ICA1: variants seen among roughly 807,000 people sequenced by gnomAD.
ICA1 encodes the protein islet cell autoantigen 1, also known as 69 kDa islet cell autoantigen.
Under a neutral mutation model 71.0 loss-of-function variants are expected in ICA1, and 40 were observed. The ratio of observed to expected loss-of-function variants is 0.56; its 90% confidence interval spans 0.44 to 0.73. The LOEUF (loss-of-function observed/expected upper bound fraction) is 0.73, where lower values mean the gene tolerates loss of function less well. Among genes scored for constraint, ICA1 ranks in the 30% least tolerant of loss-of-function variants. The pLI is 0.00. For synonymous variants in ICA1, 207 were observed against 209.5 expected (o/e 0.99, Z 0.10); for missense variants, 578 against 576.5 (o/e 1.00, Z -0.03).
At chr7:8,154,337 C>G (rs1800742261) in intron 8 of ICA1, among the ~76,000 whole-genome samples, 1 of 152,114 alleles carries the variant, frequency 6.6e-6, no homozygotes, top group Non-Finnish European at 1.5e-5. Flanking sequence ...CTCTGTAATT[C>G]TGTAGCAAAA....
intron 6 of ICA1, among the ~76,000 whole-genome samples, chr7:8,197,015 T>G (rs1179005124): frequency 6.6e-6 from 1 of 152,100 alleles, no homozygotes; most frequent in Non-Finnish European, 1.5e-5. Context: ...TCAATTAAAC[T>G]TCTTCCCTTT....
intron 6 of ICA1, among the ~76,000 whole-genome samples, chr7:8,195,740 G>T (rs1415545297): frequency 2.6e-5 from 4 of 152,024 alleles, no homozygotes; most frequent in Non-Finnish European, 5.9e-5. Context: ...AGCACTTTGG[G>T]AGGCCAAGGC....
At chr7:8,134,689 TAAC>T (rs1383445622) in intron 12 of ICA1, among the ~76,000 whole-genome samples, 1 of 152,152 alleles carries the variant, frequency 6.6e-6, no homozygotes, top group African/African-American at 2.4e-5. Flanking sequence ...CGAAAATGGC[TAAC>T]AAGAAAAACA....
chr7:8,223,060 CG>C lies in ICA1; in HGVS notation c.257-1663del, dbSNP rs1264530545. Among the ~76,000 whole-genome samples the C allele has an allele frequency of 2.0e-5, 3 of 152,104 alleles. No individual in the cohort carries two copies. Among genetic ancestry groups the C allele is most frequent in the Non-Finnish European group, 4.4e-5 (3 of 68,028 alleles). On this transcript the variant is annotated intron_variant, in intron 4 of 13. Coordinates refer to ENST00000402384, the MANE Select transcript of ICA1 (RefSeq NM_001136020.3). The surrounding 1 kb of genome is among the most constrained non-coding windows in gnomAD (Gnocchi z 4.1). ...AATACTTATTGCCTTTTAATACTCA[CG>C]CCATGGTTCTATGTAGCTTTTTAAA...
At chr7:8,193,148 A>C (rs1015428737) in intron 6 of ICA1, among the ~76,000 whole-genome samples, 1 of 152,236 alleles carries the variant, frequency 6.6e-6, no homozygotes. Context: ...GTATATGTAA[A>C]CAAATGTGTG....
intron 13 of ICA1, among the ~76,000 whole-genome samples, chr7:8,117,121 G>A (rs60828434): frequency 6.6e-6 from 1 of 152,028 alleles, no homozygotes; most frequent in Non-Finnish European, 1.5e-5. Flanking sequence ...CTCCTTCCTG[G>A]CTCCTTGTGA....
At chr7:8,118,366 G>T (rs1032572873) in intron 13 of ICA1, among the ~76,000 whole-genome samples, 5 of 152,222 alleles carry the variant, frequency 3.3e-5, no homozygotes, top group Non-Finnish European at 5.9e-5. Flanking sequence ...AAAGTACTAG[G>T]CTTGGAGGGA....
chr7:8,154,855 T>C (rs908823039), intron 8 of ICA1, among the ~76,000 whole-genome samples: 1 of 152,212 alleles, frequency 6.6e-6, no homozygotes, highest in Non-Finnish European at 1.5e-5. Flanking sequence ...CAAAACAATA[T>C]GCAACATACT....
intron 6 of ICA1, among the ~76,000 whole-genome samples, chr7:8,195,396 G>C (rs879777443): frequency 1.3e-5 from 2 of 151,954 alleles, no homozygotes; most frequent in Admixed American, 1.3e-4. Flanking sequence ...GAAAAAATTA[G>C]CCGGGTGTGG....
intron 6 of ICA1, among the ~76,000 whole-genome samples, chr7:8,207,159 A>C (rs1791892753): frequency 6.6e-6 from 1 of 152,260 alleles, no homozygotes; most frequent in Non-Finnish European, 1.5e-5. Context: ...TGGTTGTCTC[A>C]GAGTCACAGC....
intron 13 of ICA1, among the ~76,000 whole-genome samples, chr7:8,121,543 A>C (rs1018829512): frequency 2.0e-5 from 3 of 152,228 alleles, no homozygotes; most frequent in African/African-American, 7.2e-5. Flanking sequence ...GCGGGAGCTA[A>C]AAATGAAAAC....
At chr7:8,209,565 G>A (rs374706756) in intron 6 of ICA1, among the ~76,000 whole-genome samples, 28 of 152,046 alleles carry the variant, frequency 1.8e-4, no homozygotes, top group African/African-American at 2.4e-4. Context: ...TGTAAGACCC[G>A]GATTTTACAC....
intron 6 of ICA1, among the ~76,000 whole-genome samples, chr7:8,172,776 C>T (rs1808855218): frequency 6.6e-6 from 1 of 152,116 alleles, no homozygotes; most frequent in Non-Finnish European, 1.5e-5. Context: ...AAAAATAGGA[C>T]AATATTTTCT....
At chr7:8,148,666 T>C (rs770721133) in intron 8 of ICA1, among the ~76,000 whole-genome samples, 1 of 152,096 alleles carries the variant, frequency 6.6e-6, no homozygotes, top group Non-Finnish European at 1.5e-5. Context: ...GGGACGACCA[T>C]CACCATAATC....
intron 13 of ICA1, among the ~76,000 whole-genome samples, chr7:8,119,066 T>C (rs1489815994): frequency 6.6e-5 from 10 of 152,366 alleles, no homozygotes; most frequent in African/African-American, 2.2e-4. Context: ...AATCACAGGA[T>C]GCCTTTTGGG....
chr7:8,125,348 T>C (rs911561706), intron 13 of ICA1, among the ~76,000 whole-genome samples: 1 of 152,210 alleles, frequency 6.6e-6, no homozygotes, highest in Admixed American at 6.5e-5. Context: ...CCAAGTGTCC[T>C]TCCTGAAGAC....
chr7:8,214,453 G>A (rs1794768039), intron 6 of ICA1, among the ~76,000 whole-genome samples: 1 of 152,190 alleles, frequency 6.6e-6, no homozygotes, highest in African/African-American at 2.4e-5. Context: ...ACTTCCAACT[G>A]CACACAGCTC....
chr7:8,149,746 G>A lies in ICA1; in HGVS notation c.805-5774C>T, dbSNP rs118051181. On this transcript the variant is annotated intron_variant, in intron 8 of 13. Transcript: ENST00000402384. ...TATGCTACTTTCCATTAATTATATT[G>A]TATACATATGAAGGTGCCAAGTAAT... Among the ~76,000 whole-genome samples, 634 of 152,092 alleles carry A rather than the reference G, an allele frequency of 4.2e-3. 3 individuals carry two copies. Among genetic ancestry groups the A allele is most frequent in the Non-Finnish European group, 7.4e-3 (503 of 67,992 alleles).
intron 6 of ICA1, among the ~76,000 whole-genome samples, chr7:8,189,041 C>T (rs978935263): frequency 6.6e-6 from 1 of 152,194 alleles, no homozygotes; most frequent in Non-Finnish European, 1.5e-5. Flanking sequence ...GAGCCAACCC[C>T]TCTGCAAAGA....
Sources: gnomAD v4.1 joint callset for allele counts (sites outside exome capture counted in the v4.1 genomes callset) on GRCh38, gnomAD v4.1.1 for gene constraint, Gnocchi (gnomAD v3.1) non-coding constraint, MANE v1.5 for transcripts, NCBI Gene and HGNC (gene_info 2026-07-23, HGNC 2026-07-21) for gene names.